The following STXBP6 variants were observed in gnomAD, a reference collection of about 807,000 sequenced individuals.
STXBP6 encodes syntaxin binding protein 6.
A neutral mutation model predicts 26.9 loss-of-function variants in STXBP6; 21 were observed. The observed-to-expected ratio is 0.78, with a 90% CI of 0.55 to 1.12. The LOEUF is 1.12. Among genes scored for constraint, STXBP6 ranks in the 50% most tolerant of loss-of-function variants. The pLI, the probability that STXBP6 is intolerant of heterozygous loss-of-function variation, is 0.00. For missense variants in STXBP6, 232 were observed against 257.9 expected, an observed-to-expected ratio of 0.90 and a Z score of 0.69; for synonymous variants, 97 against 92.6, an observed-to-expected ratio of 1.05 and a Z score of -0.27.
At position 24,904,850 on chromosome 14, in the gene STXBP6, C is replaced by T. The variant is rs1441763116; in HGVS notation, c.155-47693G>A. ...TCTGTGGTATTCTGGATATGGCAGCCGTAGCAGATGAATACAGCATTCAAA... is the reference window on the plus strand; with the variant it reads ...TCTGTGGTATTCTGGATATGGCAGCTGTAGCAGATGAATACAGCATTCAAA... On this transcript the variant is annotated intron_variant, in intron 2 of 5. Transcript: ENST00000323944. 3.9e-5 allele frequency among the ~76,000 whole-genome samples: 6 copies of T among 152,010 alleles called. No individual in the cohort carries two copies. In the East Asian group the frequency reaches 5.8e-4, roughly 15 times the overall value.
intron 2 of STXBP6, among the ~76,000 whole-genome samples, chr14:24,885,858 TG>T (rs2070565309): frequency 6.6e-6 from 1 of 152,250 alleles, no homozygotes; most frequent in South Asian, 2.1e-4. Context: ...CTACTGCTTG[TG>T]GATGGATGCC....
At chr14:24,992,210 C>T (rs745683161) in intron 1 of STXBP6, among the ~76,000 whole-genome samples, 1 of 152,190 alleles carries the variant, frequency 6.6e-6, no homozygotes, top group African/African-American at 2.4e-5. Flanking sequence ...GTTCCACTTT[C>T]CTGGCCCTAG....
At chr14:25,014,973 T>C (rs1411313828) in intron 1 of STXBP6, among the ~76,000 whole-genome samples, 3 of 152,250 alleles carry the variant, frequency 2.0e-5, no homozygotes, top group African/African-American at 2.4e-5. Flanking sequence ...ATAACTTTTT[T>C]ACTTTTAAAT....
chr14:25,043,034 C>T (rs1455327679), intron 1 of STXBP6, among the ~76,000 whole-genome samples: 3 of 152,204 alleles, frequency 2.0e-5, no homozygotes, highest in African/African-American at 7.2e-5. Context: ...ATGTCGATCA[C>T]AGTCAGATCT....
At chr14:24,822,897 T>G (rs1440835368) in intron 4 of STXBP6, among the ~76,000 whole-genome samples, 1 of 152,178 alleles carries the variant, frequency 6.6e-6, no homozygotes, top group Non-Finnish European at 1.5e-5. Context: ...TCACGACATG[T>G]TTTGTAAATA....
At chr14:24,899,802 A>AAAAAAAAAAAAAAAAAAAAAAAAAAAAAG (rs2071142896) in intron 2 of STXBP6, among the ~76,000 whole-genome samples, 1 of 83,466 alleles carries the variant, frequency 1.2e-5, no homozygotes, top group African/African-American at 6.0e-5. Context: ...AAAAAAAAGC[A>AAAAAAAAAAAAAAAAAAAAAAAAAAAAAG]AAAAAAAAAA....
At chr14:24,823,640 G>A (rs950638460) in intron 4 of STXBP6, among the ~76,000 whole-genome samples, 1 of 152,142 alleles carries the variant, frequency 6.6e-6, no homozygotes, top group African/African-American at 2.4e-5. Context: ...ACTCAGTGCT[G>A]AGTCAATGTG....
chr14:24,878,964 T>C (rs2070251333), intron 2 of STXBP6, among the ~76,000 whole-genome samples: 1 of 152,204 alleles, frequency 6.6e-6, no homozygotes, highest in Admixed American at 6.5e-5. Context: ...TTGACCTGAA[T>C]GACCACGTGC....
Position 24,904,479 on chromosome 14 carries a change from T to C in STXBP6, c.155-47322A>G, listed in dbSNP as rs1029262474. On this transcript the variant is annotated intron_variant, in intron 2 of 5. Coordinates refer to ENST00000323944, the MANE Select transcript of STXBP6 (RefSeq NM_001394410.1). ...TACTTTTGCGCCAACCTAATACCTATTATATATCTGTTCTGGACTAAAGTG... is the reference window on the plus strand; with the variant it reads ...TACTTTTGCGCCAACCTAATACCTACTATATATCTGTTCTGGACTAAAGTG... Among the ~76,000 whole-genome samples, 7 of 152,292 alleles carry C rather than the reference T, an allele frequency of 4.6e-5. No individual in the cohort carries two copies. In the South Asian group the frequency reaches 1.5e-3, roughly 32 times the overall value.
chr14:24,849,918 A>G (rs1459737532), intron 4 of STXBP6, among the ~76,000 whole-genome samples: 2 of 152,162 alleles, frequency 1.3e-5, no homozygotes, highest in Non-Finnish European at 2.9e-5. Context: ...TTCTTGAGAA[A>G]TAAACAATTC....
At chr14:24,996,743 T>A (rs2074612203) in intron 1 of STXBP6, among the ~76,000 whole-genome samples, 1 of 150,538 alleles carries the variant, frequency 6.6e-6, no homozygotes, top group Non-Finnish European at 1.5e-5. Context: ...TGATCCCAGC[T>A]ACTTGGAAGG....
chr14:24,903,256 C>G lies in STXBP6; in HGVS notation c.155-46099G>C, dbSNP rs1051725300. 4.6e-5 allele frequency among the ~76,000 whole-genome samples: 7 copies of G among 151,958 alleles called. 2 individuals are homozygous for G. Among genetic ancestry groups the G allele is most frequent in the Admixed American group, 3.9e-4 (6 of 15,238 alleles). ...GTTTTGTTTGTTTGTTTGTTTGTTT[C>G]ATTGAGACAGTGGTGAGCATATGCT... On this transcript the variant is annotated intron_variant, in intron 2 of 5. Transcript: ENST00000323944.
intron 2 of STXBP6, among the ~76,000 whole-genome samples, chr14:24,933,475 G>A (rs1407951421): frequency 3.2e-4 from 48 of 152,228 alleles, no homozygotes; most frequent in Non-Finnish European, 2.9e-5. Flanking sequence ...CAAGGAGACA[G>A]AAGAAATGGT....
intron 2 of STXBP6, among the ~76,000 whole-genome samples, chr14:24,894,453 C>T (rs1241602): frequency 0.66 from 100,144 of 151,404 alleles, 33,206 homozygotes; most frequent in East Asian, 0.76. Context: ...ATTTACTAGA[C>T]AACCAGGACA....
At chr14:24,970,387 G>A (rs1417269866) in intron 2 of STXBP6, among the ~76,000 whole-genome samples, 4 of 152,060 alleles carry the variant, frequency 2.6e-5, no homozygotes, top group Admixed American at 2.0e-4. Flanking sequence ...TAACATCACT[G>A]CAAAAAATTG....
chr14:24,958,733 AT>A (rs549884863), intron 2 of STXBP6, among the ~76,000 whole-genome samples: 1 of 151,312 alleles, frequency 6.6e-6, no homozygotes, highest in Non-Finnish European at 1.5e-5. Context: ...ATCAAGTTGC[AT>A]TTTTTTTTCT....
chr14:24,882,369 ACTCC>A (rs2070399209), intron 2 of STXBP6, among the ~76,000 whole-genome samples: 1 of 100,436 alleles, frequency 1.0e-5, no homozygotes, highest in Non-Finnish European at 1.9e-5. Context: ...ACAGAGCGAG[ACTCC>A]GTCTCAAAAA....
chr14:24,983,370 G>A lies in STXBP6; in HGVS notation c.-32-8520C>T, dbSNP rs201598502. ...ACATCACTTACAGCAGACAGCACTG[G>A]AAATAGCCAAATCTATTCCAACCAT... On this transcript the variant is annotated intron_variant, in intron 1 of 5. Coordinates refer to ENST00000323944, the MANE Select transcript of STXBP6 (RefSeq NM_001394410.1). Among the ~76,000 whole-genome samples the A allele has an allele frequency of 4.6e-5, 7 of 152,246 alleles. No homozygotes were observed. The East Asian group carries it at 1.2e-3, about 25-fold the overall frequency.
chr14:24,859,978 C>T (rs2069475757), intron 2 of STXBP6, among the ~76,000 whole-genome samples: 1 of 152,196 alleles, frequency 6.6e-6, no homozygotes, highest in South Asian at 2.1e-4. Context: ...GTTTTCATGG[C>T]TTCATGCCTC....
Sources: allele counts gnomAD v4.1 joint callset (sites outside exome capture counted in the v4.1 genomes callset), GRCh38; gene constraint gnomAD v4.1.1; transcripts MANE v1.5; gene names NCBI Gene and HGNC (gene_info 2026-07-23, HGNC 2026-07-21).